TMEM87B: variants seen among roughly 807,000 people sequenced by gnomAD.
The protein encoded by TMEM87B is transmembrane protein 87B.
In TMEM87B, 83 loss-of-function variants were observed where a neutral mutation model predicts 80.3. The ratio of observed to expected loss-of-function variants is 1.03; its 90% CI spans 0.87 to 1.24. The LOEUF is 1.24. Among genes scored for constraint, TMEM87B ranks in the 50% most tolerant of loss-of-function variants. The pLI is 0.00. For synonymous variants in TMEM87B, 219 were observed against 230.5 expected (o/e 0.95, Z 0.45); for missense variants, 625 against 674.4 (o/e 0.93, Z 0.81).
Position 112,097,067 on chromosome 2 carries a change from T to A in TMEM87B, c.1128T>A (p.Thr376=), listed in dbSNP as rs1202361649. ...ACATTTTTATTAGTTTGGCACAAAC[T>A]ATGAAGACCCTAAGGCTAAGAAAGA... The part of the protein sequence containing the change: ...VWFIFISLAQ[T]MKTLRLRKNT... The change falls in exon 12 of 19, where the codon ACT becomes ACA. Residue 376 remains threonine (T), a synonymous_variant. Coordinates refer to ENST00000283206, the MANE Select transcript of TMEM87B (RefSeq NM_032824.3). The A allele has an allele frequency of 1.3e-6, 2 of 1,599,550 alleles. No homozygotes were observed. Among genetic ancestry groups the A allele is most frequent in the Middle Eastern group, 1.7e-4 (1 of 6,018 alleles).
intron 14 of TMEM87B, 90 bp downstream of exon 14, chr2:112,098,788 G>A: frequency 7.8e-7 from 1 of 1,287,066 alleles, no homozygotes; most frequent in Non-Finnish European, 1.1e-6. Context: ...CAGGAGAATA[G>A]TCGTTGCTTT....
intron 4 of TMEM87B, among the ~76,000 whole-genome samples, chr2:112,070,703 T>G (rs1678596764): frequency 6.6e-6 from 1 of 152,212 alleles, no homozygotes; most frequent in Non-Finnish European, 1.5e-5. Context: ...TTTTTCTAGT[T>G]TTGTGAAGAA....
rs911049741 is a variant in TMEM87B, at chr2:112,116,732, C to T, written c.*589C>T. Reference sequence around the variant, plus strand: ...CTTTTTAAAAAATCTATACAAAGCCCTTGTTTGAGTCTCATCATGCACATC... The same window carrying T: ...CTTTTTAAAAAATCTATACAAAGCCTTTGTTTGAGTCTCATCATGCACATC... On this transcript the variant is annotated 3_prime_UTR_variant, in exon 19 of 19. Transcript: ENST00000283206. 8 of 150,696 alleles carry T rather than the reference C, an allele frequency of 5.3e-5. No homozygotes were observed. The highest frequency in any genetic ancestry group is 2.0e-4 in the African/African-American group (8 of 40,950). The allele number at this position is 150,696 out of a possible 1,614,324, so 9.3% of individuals were successfully genotyped here. A position where few individuals can be genotyped will look rare whatever the true frequency, so the allele number is the denominator to read the frequency against.
intron 6 of TMEM87B, 121 bp from the exon 7 acceptor site, chr2:112,080,936 C>A: frequency 1.3e-6 from 1 of 783,658 alleles, no homozygotes; most frequent in Non-Finnish European, 2.1e-6. Flanking sequence ...CATGTATGTG[C>A]TACATACAAA....
At chr2:112,107,327 C>A (rs1175814635) in intron 16 of TMEM87B, among the ~76,000 whole-genome samples, 2 of 140,576 alleles carry the variant, frequency 1.4e-5, no homozygotes, top group Non-Finnish European at 3.0e-5. Flanking sequence ...CGCTGCACTC[C>A]AGCCTGGGCG....
At chr2:112,070,211 A>G (rs1316476137) in intron 4 of TMEM87B, among the ~76,000 whole-genome samples, 1 of 152,028 alleles carries the variant, frequency 6.6e-6, no homozygotes, top group Non-Finnish European at 1.5e-5. Flanking sequence ...CTTTTGTTGC[A>G]ATTGCTTTTT....
At chr2:112,115,981 T>C (rs1201634176) in intron 18 of TMEM87B, 103 bp from the exon 19 acceptor site, 7 of 793,306 alleles carry the variant, frequency 8.8e-6, no homozygotes, top group Non-Finnish European at 1.4e-5. Flanking sequence ...ATGGAATATA[T>C]TTAGTTTCCC....
intron 2 of TMEM87B, among the ~76,000 whole-genome samples, chr2:112,060,367 A>C (rs938982893): frequency 1.3e-5 from 2 of 152,144 alleles, no homozygotes; most frequent in Non-Finnish European, 2.9e-5. Context: ...ACAAACAAGA[A>C]TAATGAAATA....
chr2:112,085,817 C>A (rs927094430), intron 8 of TMEM87B, among the ~76,000 whole-genome samples, 188 bp from the exon 9 acceptor site: 9 of 152,152 alleles, frequency 5.9e-5, no homozygotes, highest in Non-Finnish European at 1.3e-4. Context: ...GGAGTGAATT[C>A]TTGAGGCGAG....
intron 9 of TMEM87B, among the ~76,000 whole-genome samples, chr2:112,087,285 G>A (rs936176199): frequency 2.0e-5 from 3 of 152,048 alleles, no homozygotes; most frequent in Non-Finnish European, 4.4e-5. Flanking sequence ...CACACTGAGG[G>A]GGCCTACTTG....
chr2:112,075,060 T>G (rs759799472), intron 5 of TMEM87B, 98 bp downstream of exon 5: 3 of 1,449,374 alleles, frequency 2.1e-6, no homozygotes, highest in Non-Finnish European at 2.8e-6. Flanking sequence ...TGATATAAAG[T>G]AGGGTTATTA....
At chr2:112,056,267 C>A (rs1011451157) in intron 1 of TMEM87B, among the ~76,000 whole-genome samples, 1 of 151,830 alleles carries the variant, frequency 6.6e-6, no homozygotes, top group Non-Finnish European at 1.5e-5. Flanking sequence ...GAGGGGGAAA[C>A]GTGCAGTAGT....
chr2:112,103,925 G>A (rs565160971), intron 15 of TMEM87B, among the ~76,000 whole-genome samples: 1 of 152,264 alleles, frequency 6.6e-6, no homozygotes, highest in Non-Finnish European at 1.5e-5. Context: ...GTAAAATAGA[G>A]TCCAGGAATA....
chr2:112,059,935 A>G (rs926711996), intron 1 of TMEM87B, 42 bp from the exon 2 acceptor site: 1 of 1,583,028 alleles, frequency 6.3e-7, no homozygotes, highest in Non-Finnish European at 8.6e-7. Context: ...TTGCAAAAAA[A>G]ACTTTCTAAC....
Position 112,081,414 on chromosome 2 carries a change from T to C in TMEM87B, c.734T>C (p.Ile245Thr). 3.7e-6 allele frequency: 6 copies of C among 1,614,038 alleles called. No homozygotes were observed. The highest frequency in any genetic ancestry group is 4.2e-6 in the Non-Finnish European group (5 of 1,179,968). The change falls in exon 8 of 19, where the codon ATA becomes ACA. Residue 245 changes from isoleucine to threonine, a missense_variant. By Grantham distance (89) the Ile-to-Thr change is moderately conservative. Coordinates refer to ENST00000283206, the MANE Select transcript of TMEM87B (RefSeq NM_032824.3). ...LTWSACYWKD[I>T]LRIQFWIAAV... is the part of the protein sequence containing the mutation. The stretch of plus-strand genomic sequence containing the variant: ...TGGTCTGCCTGTTATTGGAAAGATA[T>C]ATTAAGAATCCAGTTCTGGATTGCA...
At chr2:112,100,722 G>T in intron 15 of TMEM87B, 27 bp downstream of exon 15, 1 of 1,444,542 alleles carries the variant, frequency 6.9e-7, no homozygotes, top group South Asian at 1.2e-5. Flanking sequence ...CTTTTTAAAT[G>T]ACCATTGTAC....
chr2:112,089,640 A>G lies in TMEM87B; in HGVS notation c.954A>G (p.Thr318=), dbSNP rs759469954. The part of the protein sequence containing the change: ...GYGIVKPRLG[T]VMHRVIGLGL... ...CTGATTCCAGGCCTCGTTTAGGAAC[A>G]GTCATGCACCGGGTGATCGGACTGG... Residue 318 remains threonine, a synonymous_variant, in exon 10 of 19, where the codon ACA becomes ACG. Transcript: ENST00000283206. 13 of 1,614,004 alleles carry G rather than the reference A, an allele frequency of 8.1e-6. No individual in the cohort carries two copies. The highest frequency in any genetic ancestry group is 1.1e-5 in the Non-Finnish European group (13 of 1,179,962).
chr2:112,091,385 G>A (rs756441407), intron 10 of TMEM87B, among the ~76,000 whole-genome samples: 4 of 152,144 alleles, frequency 2.6e-5, no homozygotes, highest in Non-Finnish European at 4.4e-5. Flanking sequence ...TCGGGAGTTC[G>A]TTTCATTAAT....
At position 112,097,094 on chromosome 2, in the gene TMEM87B, C is replaced by T. The variant is rs1186887734; in HGVS notation, c.1155C>T (p.Asn385=). 37 of 1,608,608 alleles carry T rather than the reference C, an allele frequency of 2.3e-5. No individual in the cohort carries two copies. Among genetic ancestry groups the T allele is most frequent in the Non-Finnish European group, 3.1e-5 (36 of 1,178,502 alleles). ...TGAAGACCCTAAGGCTAAGAAAGAA[C>T]ACTGTGAAATTTTCATTATATAGAC... The part of the protein sequence containing the change: ...QTMKTLRLRK[N]TVKFSLYRHF... Residue 385 remains asparagine (N), a synonymous_variant, in exon 12 of 19, where the codon AAC becomes AAT. Coordinates refer to ENST00000283206, the MANE Select transcript of TMEM87B (RefSeq NM_032824.3).
Sources: gnomAD v4.1 joint callset for allele counts (sites outside exome capture counted in the v4.1 genomes callset) on GRCh38, gnomAD v4.1.1 for gene constraint, MANE v1.5 for transcripts, NCBI Gene and HGNC (gene_info 2026-07-23, HGNC 2026-07-21) for gene names.